TBX1: variants seen among roughly 807,000 people sequenced by gnomAD.
TBX1 encodes T-box transcription factor 1.
In TBX1, 16 loss-of-function variants were observed where a neutral mutation model predicts 40.8. The observed-to-expected ratio is 0.39, with a 90% CI of 0.27 to 0.60. TBX1 has a LOEUF of 0.60. Ranked by LOEUF, TBX1 falls within the 20% of genes least tolerant of loss-of-function variation. The probability of loss-of-function intolerance (pLI) is 0.51; values close to 1 mark genes in which losing one functional copy is unlikely to be tolerated. For missense variants in TBX1, 755 were observed against 728.5 expected (o/e 1.04, Z -0.42); for synonymous variants, 403 against 336.8 (o/e 1.20, Z -2.15).
downstream of TBX1, among the ~76,000 whole-genome samples, chr22:19,769,069 C>CT (rs1223883984): frequency 1.4e-5 from 2 of 146,050 alleles, no homozygotes. Context: ...CAAGTGATTT[C>CT]TTTTGCTTCA....
rs776268518 is a variant in TBX1 at position 19,766,604 on chromosome 22, G to C, written c.1252G>C (p.Glu418Gln). ...GCGCCTGGAGGCGCCCGGCGCATCG[G>C]AGCCGCTGCACCACCACCCCTACAA... Reference protein sequence around the residue: ...ELRLEAPGASEPLHHHPYKYP... With the variant: ...ELRLEAPGASQPLHHHPYKYP... The change falls in exon 7 of 7, where the codon GAG (glutamate) becomes CAG (glutamine). Residue 418 changes from glutamate (E) to glutamine (Q), a missense_variant. This residue lies in a region of TBX1 where 412 missense variants were observed against 317.6 expected (regional missense o/e 1.30). Coordinates refer to ENST00000649276, the MANE Select transcript of TBX1 (RefSeq NM_001379200.1). The C allele has an allele frequency of 9.8e-5, 148 of 1,508,726 alleles. No individual in the cohort carries two copies. The highest frequency in any genetic ancestry group is 1.3e-4 in the Non-Finnish European group (143 of 1,135,696). 93.5% of individuals were successfully genotyped at this position (1,508,726 alleles called of 1,614,324 possible).
At chr22:19,781,034 A>G (rs889581317), downstream of TBX1, among the ~76,000 whole-genome samples, 1 of 152,024 alleles carries the variant, frequency 6.6e-6, no homozygotes, top group Non-Finnish European at 1.5e-5. Context: ...CACCCGCCTC[A>G]GCCTCCCAAA....
At chr22:19,765,877 G>A (rs1056678428) in intron 5 of TBX1, 25 bp from the exon 6 acceptor site, 1 of 1,553,046 alleles carries the variant, frequency 6.4e-7, no homozygotes, top group Admixed American at 1.9e-5. Flanking sequence ...CGCAGGCGCC[G>A]CCCTGATCCG....
rs763559631 is a variant in TBX1 at position 19,765,068 on chromosome 22, C to A, written c.822C>A (p.Phe274Leu). 4.3e-6 allele frequency: 7 copies of A among 1,614,190 alleles called. No individual in the cohort carries two copies. Among genetic ancestry groups the A allele is most frequent in the African/African-American group, 1.3e-5 (1 of 75,048 alleles). Residue 274 changes from phenylalanine to leucine, a missense_variant, in exon 4 of 7, where the codon TTC (phenylalanine) becomes TTA (leucine). Phe to Leu is a conservative substitution (Grantham distance 22). Around this residue, in one of 3 missense-constraint regions of TBX1, gnomAD observed 144 missense variants for 238.0 expected, o/e 0.61. Transcript: ENST00000649276. Reference sequence around the variant, plus strand: ...AGGAGAACTTCAAAACCTTTGTGTTCGAGGAGACACGATTCACCGCGGTCA... The same window carrying A: ...AGGAGAACTTCAAAACCTTTGTGTTAGAGGAGACACGATTCACCGCGGTCA... ...YAEENFKTFV[F>L]EETRFTAVTA...
intron 8 of TBX1, among the ~76,000 whole-genome samples, chr22:19,773,320 G>C (rs1462293608): frequency 2.0e-5 from 3 of 152,346 alleles, no homozygotes; most frequent in Non-Finnish European, 2.9e-5. Context: ...CCAGAGGAAG[G>C]TCTAGGTGGG....
chr22:19,782,987 G>A, downstream of TBX1: 2 of 1,270,192 alleles, frequency 1.6e-6, no homozygotes, highest in South Asian at 1.2e-5. Context: ...TAAGAAGTCT[G>A]AGTCCCTGAG....
chr22:19,761,294 TC>T lies in TBX1; in HGVS notation c.437+18del. 6.5e-7 allele frequency: 1 copy of T among 1,535,096 alleles called. No homozygotes were observed. The highest frequency in any genetic ancestry group is 8.8e-7 in the Non-Finnish European group (1 of 1,137,792). On this transcript the variant is annotated intron_variant, in intron 1 of 6. Transcript: ENST00000649276. ...CAAGGCCGGCAGGTCAGGGCGCCCC[TC>T]CCCACGCCGCGACCCTCCCCACGTG...
At chr22:19,765,509 C>T (rs944686798) in intron 4 of TBX1, among the ~76,000 whole-genome samples, 1 of 152,194 alleles carries the variant, frequency 6.6e-6, no homozygotes, top group Non-Finnish European at 1.5e-5. Context: ...AGCACAGGGC[C>T]TCCATCCCCA....
At chr22:19,762,901 C>T (rs986282147) in intron 1 of TBX1, among the ~76,000 whole-genome samples, 6 of 152,284 alleles carry the variant, frequency 3.9e-5, no homozygotes, top group Admixed American at 3.3e-4. Context: ...ACCCTGCTGC[C>T]GGCCGAAGCT....
At chr22:19,758,199 T>G (rs1228648671), upstream of TBX1, among the ~76,000 whole-genome samples, 1 of 151,692 alleles carries the variant, frequency 6.6e-6, no homozygotes, top group South Asian at 2.1e-4. Context: ...CTGGGAGAGG[T>G]TGCCTGCCTC....
intron 1 of TBX1, among the ~76,000 whole-genome samples, chr22:19,761,647 G>C (rs1446894214): frequency 6.6e-6 from 1 of 152,154 alleles, no homozygotes; most frequent in East Asian, 1.9e-4. Flanking sequence ...CGGCGTCCAG[G>C]GGGCCTCACC....
Position 19,767,254 on chromosome 22 carries a change from G to GTGTAGATACATGTAGATACTGTAGATAC in TBX1, c.*397_*424dup, listed in dbSNP as rs1936896285. The GTGTAGATACATGTAGATACTGTAGATAC allele has an allele frequency of 2.9e-6, 3 of 1,048,412 alleles. No homozygotes were observed. The East Asian group carries it at 2.6e-4, about 92-fold the overall frequency. 64.9% of individuals were successfully genotyped at this position (1,048,412 alleles called of 1,614,324 possible). ...AGCCCGAGAGCCCCGCCTGCAGGCG[G>GTGTAGATACATGTAGATACTGTAGATAC]TGTAGATACATGTAGATACTGTAGA... is the stretch of plus-strand genomic sequence containing the variant. On this transcript the variant is annotated 3_prime_UTR_variant, in exon 7 of 7. Coordinates refer to ENST00000649276, the MANE Select transcript of TBX1 (RefSeq NM_001379200.1).
chr22:19,770,160 C>A (rs148566345), downstream of TBX1, among the ~76,000 whole-genome samples: 4 of 152,190 alleles, frequency 2.6e-5, no homozygotes, highest in Non-Finnish European at 4.4e-5. Flanking sequence ...TGGCTGCAGA[C>A]GTCCAGCTGC....
intron 8 of TBX1, among the ~76,000 whole-genome samples, chr22:19,773,058 G>T (rs1937013853): frequency 1.3e-5 from 2 of 152,262 alleles, no homozygotes; most frequent in South Asian, 4.1e-4. Context: ...GTGGCCGCTA[G>T]CTGGTGGCAT....
chr22:19,768,953 C>CTTTTTTTTTT (rs36085623), downstream of TBX1, among the ~76,000 whole-genome samples: 285 of 66,100 alleles, frequency 4.3e-3, 38 homozygotes, highest in African/African-American at 0.01. Context: ...TGTTCGCATT[C>CTTTTTTTTTT]TTTTTTTTTT....
rs1037619193 is a variant in TBX1, at chr22:19,767,146, G to T, written c.*279G>T. The T allele has an allele frequency of 1.5e-5, 19 of 1,245,328 alleles. No homozygotes were observed. In the African/African-American group the frequency reaches 2.8e-4, roughly 19 times the overall value. 77.1% of individuals were successfully genotyped at this position (1,245,328 alleles called of 1,614,324 possible). On this transcript the variant is annotated 3_prime_UTR_variant, in exon 7 of 7. Coordinates refer to ENST00000649276, the MANE Select transcript of TBX1 (RefSeq NM_001379200.1). ...CCCGCCCGCCAGTGCCAAAGCGCCC[G>T]GTCGGAGGCGGAAGGAAGTGATATT...
At chr22:19,757,446 T>C (rs1311202193), upstream of TBX1, among the ~76,000 whole-genome samples, 5 of 152,112 alleles carry the variant, frequency 3.3e-5, no homozygotes, top group African/African-American at 1.2e-4. Context: ...CACTTCTCCC[T>C]CCTCAATGTT....
chr22:19,783,303 A>C (rs767738310), downstream of TBX1: 3 of 428,680 alleles, frequency 7.0e-6, no homozygotes, highest in Non-Finnish European at 1.3e-5. Flanking sequence ...TCTACACCCC[A>C]CATTTTACAG....
intron 8 of TBX1, among the ~76,000 whole-genome samples, chr22:19,772,849 C>A (rs1465787451): frequency 1.3e-5 from 2 of 152,190 alleles, no homozygotes; most frequent in African/African-American, 2.4e-5. Context: ...AGGGTAGGGA[C>A]CTTCACCGCG....
Sources: gnomAD v4.1 joint callset for allele counts (sites outside exome capture counted in the v4.1 genomes callset) on GRCh38, gnomAD v4.1.1 for gene constraint, gnomAD v4.1.1 regional missense constraint, MANE v1.5 for transcripts, NCBI Gene and HGNC (gene_info 2026-07-23, HGNC 2026-07-21) for gene names.